The following ADAMTS6 variants were observed in gnomAD, a reference collection of about 807,000 sequenced individuals.
ADAMTS6 encodes the protein ADAM metallopeptidase with thrombospondin type 1 motif 6, also known as A disintegrin and metalloproteinase with thrombospondin motifs 6.
Under a neutral mutation model 144.3 loss-of-function variants are expected in ADAMTS6, and 23 were observed. The ratio of observed to expected loss-of-function variants is 0.16; its 90% confidence interval spans 0.11 to 0.23. The LOEUF is 0.23. Among genes scored for constraint, ADAMTS6 ranks in the 10% least tolerant of loss-of-function variants. The pLI, the probability that ADAMTS6 is intolerant of heterozygous loss-of-function variation, is 1.00. For missense variants in ADAMTS6, 999 were observed against 1,379.6 expected (o/e 0.72, Z 4.37); for synonymous variants, 444 against 457.5 (o/e 0.97, Z 0.38).
intron 10 of ADAMTS6, among the ~76,000 whole-genome samples, chr5:65,292,990 T>A (rs1580317253): frequency 1.3e-5 from 2 of 152,114 alleles, no homozygotes; most frequent in African/African-American, 2.4e-5. Flanking sequence ...ATGAATTTTT[T>A]AAATAATGCT....
chr5:65,250,802 A>T (rs1760092007), intron 14 of ADAMTS6, among the ~76,000 whole-genome samples: 1 of 152,078 alleles, frequency 6.6e-6, no homozygotes, highest in South Asian at 2.1e-4. Context: ...GCACCAGGAA[A>T]CTCCTTTTAG....
At chr5:65,262,711 C>T (rs1761303636) in intron 13 of ADAMTS6, 106 bp downstream of exon 13, 1 of 1,333,992 alleles carries the variant, frequency 7.5e-7, no homozygotes, top group African/African-American at 1.5e-5. Flanking sequence ...AAGACAAGTA[C>T]TTGGCTCACT....
chr5:65,267,877 G>C (rs1761745963), intron 12 of ADAMTS6, among the ~76,000 whole-genome samples: 1 of 152,134 alleles, frequency 6.6e-6, no homozygotes, highest in Non-Finnish European at 1.5e-5. Flanking sequence ...CTGAGTGTTG[G>C]AGCACAGCAC....
At chr5:65,365,582 G>C (rs1431520868) in intron 7 of ADAMTS6, among the ~76,000 whole-genome samples, 1 of 151,848 alleles carries the variant, frequency 6.6e-6, no homozygotes, top group Non-Finnish European at 1.5e-5. Flanking sequence ...GGGAGGCGGA[G>C]GTTTCAGTGA....
At chr5:65,336,393 A>T (rs1747312416) in intron 7 of ADAMTS6, among the ~76,000 whole-genome samples, 1 of 152,054 alleles carries the variant, frequency 6.6e-6, no homozygotes, top group African/African-American at 2.4e-5. Context: ...TGAAGGAAAA[A>T]ATTAGTGGTG....
rs550132796 is a variant in ADAMTS6 at position 65,427,732 on chromosome 5, C to T, written c.1073+23743G>A. On this transcript the variant is annotated intron_variant, in intron 7 of 24. Transcript: ENST00000381055. ...AGAATGGCCTGAACCCAGGAGGTGG[C>T]GCTTGCAGTGAGCCAAGCTCATGCC... Among the ~76,000 whole-genome samples the T allele has an allele frequency of 2.5e-3, 381 of 150,096 alleles. 2 individuals carry two copies. Among genetic ancestry groups the T allele is most frequent in the Non-Finnish European group, 4.2e-3 (285 of 67,638 alleles).
intron 9 of ADAMTS6, among the ~76,000 whole-genome samples, chr5:65,309,349 T>A (rs1476179652): frequency 6.6e-6 from 1 of 151,512 alleles, no homozygotes; most frequent in Non-Finnish European, 1.5e-5. Flanking sequence ...GAGTGGGCAA[T>A]TAAGAACCCT....
At chr5:65,168,131 A>G (rs1398866127) in intron 24 of ADAMTS6, among the ~76,000 whole-genome samples, 5 of 150,876 alleles carry the variant, frequency 3.3e-5, no homozygotes, top group African/African-American at 1.2e-4. Flanking sequence ...TTATCTAGAA[A>G]ACCCCATCAT....
chr5:65,442,590 C>G (rs570613938), intron 7 of ADAMTS6, among the ~76,000 whole-genome samples: 1 of 151,984 alleles, frequency 6.6e-6, no homozygotes, highest in East Asian at 1.9e-4. Flanking sequence ...CAAATACAGT[C>G]TAAGAAAAAA....
At chr5:65,412,292 G>C (rs9291837) in intron 7 of ADAMTS6, among the ~76,000 whole-genome samples, 92,080 of 151,970 alleles carry the variant, frequency 0.61, 29,681 homozygotes, top group African/African-American at 0.83. Context: ...GAATGACTAA[G>C]ACTAATGCAA....
At position 65,275,400 on chromosome 5, in the gene ADAMTS6, AAAGAAAGAAAGAAAGAAAAG is replaced by A. The variant is rs1296098585; in HGVS notation, c.1513-1973_1513-1954del. The stretch of plus-strand genomic sequence containing the variant: ...GAAAGAAAGAAAGAAAGAAAGAAAG[AAAGAAAGAAAGAAAGAAAAG>A]AAAGAAAGAAAGAAAAGAAAAAAGA... On this transcript the variant is annotated intron_variant, in intron 11 of 24. Transcript: ENST00000381055. Among the ~76,000 whole-genome samples, 82 of 127,154 alleles carry A rather than the reference AAAGAAAGAAAGAAAGAAAAG, an allele frequency of 6.4e-4. 1 individual carries two copies. The highest frequency in any genetic ancestry group is 2.1e-3 in the African/African-American group (72 of 35,020). The allele number at this position is 127,154 out of a possible 152,430, so 83.4% of individuals were successfully genotyped here.
In ADAMTS6 at chr5:65,183,433, A is replaced by C. The variant is rs768349110; in HGVS notation, c.2910+4583T>G. 1.3e-3 allele frequency among the ~76,000 whole-genome samples: 194 copies of C among 152,030 alleles called. 1 individual carries two copies. Among genetic ancestry groups the C allele is most frequent in the Non-Finnish European group, 2.2e-3 (149 of 67,970 alleles). On this transcript the variant is annotated intron_variant, in intron 22 of 24. Transcript: ENST00000381055. ...TTTTAATTTTATTATTATTATTGTT[A>C]ATCTCTTATTGTGCCTAATTTATAA... is the stretch of plus-strand genomic sequence containing the variant.
At chr5:65,267,268 C>G (rs892412594) in intron 12 of ADAMTS6, among the ~76,000 whole-genome samples, 5 of 151,996 alleles carry the variant, frequency 3.3e-5, no homozygotes, top group Non-Finnish European at 7.4e-5. Flanking sequence ...GTTATCCAAT[C>G]TAGTGATTTT....
chr5:65,378,561 A>AT (rs1751758996), intron 7 of ADAMTS6, among the ~76,000 whole-genome samples: 1 of 152,082 alleles, frequency 6.6e-6, no homozygotes, highest in Non-Finnish European at 1.5e-5. Context: ...CTCCAGTTTC[A>AT]TTTTTGCCCC....
At chr5:65,404,780 A>G (rs1580621552) in intron 7 of ADAMTS6, among the ~76,000 whole-genome samples, 1 of 152,124 alleles carries the variant, frequency 6.6e-6, no homozygotes, top group African/African-American at 2.4e-5. Context: ...AAGTGTTCCT[A>G]TTTCTCCACA....
chr5:65,468,317 A>G (rs1355662869), intron 3 of ADAMTS6, among the ~76,000 whole-genome samples: 1 of 152,164 alleles, frequency 6.6e-6, no homozygotes, highest in Non-Finnish European at 1.5e-5. Context: ...AATTTTTTAA[A>G]AAACACTTGT....
chr5:65,270,784 C>T (rs1761992147), intron 12 of ADAMTS6, among the ~76,000 whole-genome samples: 1 of 152,144 alleles, frequency 6.6e-6, no homozygotes, highest in African/African-American at 2.4e-5. Context: ...GACCCCTTGA[C>T]ATATAAACTT....
chr5:65,295,955 CA>C (rs1561391009), intron 10 of ADAMTS6, among the ~76,000 whole-genome samples: 2 of 151,942 alleles, frequency 1.3e-5, no homozygotes, highest in South Asian at 4.2e-4. Flanking sequence ...CGGTCATCAG[CA>C]AAAATTTACA....
intron 12 of ADAMTS6, among the ~76,000 whole-genome samples, chr5:65,268,314 G>A (rs1301534064): frequency 1.3e-5 from 2 of 152,038 alleles, no homozygotes; most frequent in Non-Finnish European, 2.9e-5. Context: ...TCACCAACAG[G>A]GATTACAAGG....
Sources: allele counts gnomAD v4.1 joint callset (sites outside exome capture counted in the v4.1 genomes callset), GRCh38; gene constraint gnomAD v4.1.1; transcripts MANE v1.5; gene names NCBI Gene and HGNC (gene_info 2026-07-23, HGNC 2026-07-21).